The following PDE1A variants were observed in gnomAD, a reference collection of about 807,000 sequenced individuals.
PDE1A encodes dual specificity calcium/calmodulin-dependent 3',5'-cyclic nucleotide phosphodiesterase 1A.
Under a neutral mutation model 61.7 loss-of-function variants are expected in PDE1A, and 35 were observed. The observed-to-expected ratio is 0.57, with a 90% confidence interval of 0.43 to 0.75. The LOEUF (loss-of-function observed/expected upper bound fraction) is 0.75, where lower values mean the gene tolerates loss of function less well. PDE1A is among the 30% of genes least tolerant of loss of function. The pLI, the probability that PDE1A is intolerant of heterozygous loss-of-function variation, is 0.00. For missense variants in PDE1A, 597 were observed against 630.6 expected, an observed-to-expected ratio of 0.95 and a Z score of 0.57; for synonymous variants, 232 against 213.2, an observed-to-expected ratio of 1.09 and a Z score of -0.77.
chr2:182,373,215 C>T (rs1054778823), intron 1 of PDE1A, among the ~76,000 whole-genome samples: 1 of 152,122 alleles, frequency 6.6e-6, no homozygotes, highest in Non-Finnish European at 1.5e-5. Flanking sequence ...GAAGGGGAAC[C>T]AATTACTATC....
rs572815644 is a variant in PDE1A, at chr2:182,250,716, C to T, written c.168-10424G>A. Among the ~76,000 whole-genome samples the T allele has an allele frequency of 9.9e-5, 15 of 152,046 alleles. No homozygotes were observed. The South Asian group carries it at 2.5e-3, about 25-fold the overall frequency. On this transcript the variant is annotated intron_variant, in intron 2 of 13. Transcript: ENST00000351439. ...TTTTGGGTGGAGAAGTCAGTTATGC[C>T]GACCTTAGCTCAATTCCCAAAAGGC... is the stretch of plus-strand genomic sequence containing the variant.
At position 182,223,966 on chromosome 2, in the gene PDE1A, T is replaced by C; in HGVS notation, c.676-2A>G. On this transcript the variant is annotated splice_acceptor_variant, in intron 6 of 13. Coordinates refer to ENST00000351439, the Ensembl canonical transcript of PDE1A. LOFTEE classifies it high-confidence loss of function. ...AATTTCCAGTTCAGTGAGCCAGTGCTAGTAAATTACAGAAAGAATCCATTA... is the reference window on the plus strand; with the variant it reads ...AATTTCCAGTTCAGTGAGCCAGTGCCAGTAAATTACAGAAAGAATCCATTA... The C allele has an allele frequency of 6.3e-7, 1 of 1,594,154 alleles. No individual in the cohort carries two copies. Among genetic ancestry groups the C allele is most frequent in the East Asian group, 2.3e-5 (1 of 43,992 alleles).
chr2:182,672,222 T>C, the PDE1A span, among the ~76,000 whole-genome samples: 1 of 152,228 alleles, frequency 6.6e-6, no homozygotes, highest in African/African-American at 2.4e-5. Context: ...TTGTTACCTA[T>C]TGGTTGAGAA....
At chr2:182,464,192 C>T (rs766364448) in intron 2 of PDE1A, among the ~76,000 whole-genome samples, 8 of 152,014 alleles carry the variant, frequency 5.3e-5, no homozygotes, top group Admixed American at 1.3e-4. Flanking sequence ...ATTGTTCACC[C>T]GAAATTCTGA....
upstream of PDE1A, among the ~76,000 whole-genome samples, chr2:182,527,373 T>TATAC (rs1440252452): frequency 1.2e-4 from 8 of 65,008 alleles, no homozygotes; most frequent in Middle Eastern, 0.01. Context: ...TATATATATA[T>TATAC]ACACATATAT....
At chr2:182,432,658 A>C (rs2125641419) in intron 2 of PDE1A, among the ~76,000 whole-genome samples, 1 of 152,056 alleles carries the variant, frequency 6.6e-6, no homozygotes, top group East Asian at 1.9e-4. Flanking sequence ...TTTTCTAAAA[A>C]CTCAGTAATA....
intron 1 of PDE1A, among the ~76,000 whole-genome samples, chr2:182,370,407 CAG>C (rs749819214): frequency 6.6e-6 from 1 of 152,090 alleles, no homozygotes; most frequent in African/African-American, 2.4e-5. Flanking sequence ...GTAAAGATTT[CAG>C]ACAGTTGGTG....
At chr2:182,332,955 A>G (rs1182555489) in intron 1 of PDE1A, among the ~76,000 whole-genome samples, 1 of 152,250 alleles carries the variant, frequency 6.6e-6, no homozygotes, top group Admixed American at 6.5e-5. Flanking sequence ...ACAGACTTTA[A>G]GCCAACAAAT....
intron 3 of PDE1A, among the ~76,000 whole-genome samples, chr2:182,236,947 A>T (rs1373592610): frequency 6.6e-6 from 1 of 152,226 alleles, no homozygotes; most frequent in African/African-American, 2.4e-5. Context: ...GAATTCTAGG[A>T]TGGAAAATTA....
chr2:182,370,112 G>A (rs1422998456), intron 1 of PDE1A, among the ~76,000 whole-genome samples: 1 of 152,072 alleles, frequency 6.6e-6, no homozygotes, highest in Admixed American at 6.6e-5. Context: ...GGTAGGCAGA[G>A]GTTGCAGTGA....
At chr2:182,551,979 T>A in the PDE1A span, among the ~76,000 whole-genome samples, 2 of 152,216 alleles carry the variant, frequency 1.3e-5, no homozygotes, top group Non-Finnish European at 2.9e-5. Flanking sequence ...GATGAACAGA[T>A]AAAGTCACAG....
chr2:182,395,707 A>G (rs1701665862), intron 1 of PDE1A, among the ~76,000 whole-genome samples: 1 of 149,284 alleles, frequency 6.7e-6, no homozygotes, highest in South Asian at 2.1e-4. Flanking sequence ...CAGCAGATCC[A>G]ATGGTGCTTG....
chr2:182,160,445 A>T (rs748658580), intron 13 of PDE1A, among the ~76,000 whole-genome samples: 2 of 152,138 alleles, frequency 1.3e-5, no homozygotes, highest in Non-Finnish European at 2.9e-5. Context: ...AAAGGGAGAC[A>T]TTCGTCTTGC....
intron 13 of PDE1A, among the ~76,000 whole-genome samples, chr2:182,158,727 T>C (rs1691226434): frequency 6.6e-6 from 1 of 152,188 alleles, no homozygotes; most frequent in Non-Finnish European, 1.5e-5. Flanking sequence ...CTTGGTTATG[T>C]TTTGAAGATG....
At chr2:182,664,355 A>G in the PDE1A span, among the ~76,000 whole-genome samples, 1 of 152,196 alleles carries the variant, frequency 6.6e-6, no homozygotes, top group East Asian at 1.9e-4. Flanking sequence ...ATAAATGCCC[A>G]TCAATGACAG....
chr2:182,397,096 C>T (rs1162625141), intron 1 of PDE1A, among the ~76,000 whole-genome samples: 2 of 152,066 alleles, frequency 1.3e-5, no homozygotes, highest in Non-Finnish European at 2.9e-5. Context: ...CAAATATAGG[C>T]CTCACTTCTC....
At chr2:182,457,994 C>T (rs1686035326) in intron 2 of PDE1A, among the ~76,000 whole-genome samples, 1 of 151,920 alleles carries the variant, frequency 6.6e-6, no homozygotes, top group Admixed American at 6.6e-5. Context: ...TCTATACATC[C>T]TCTATTGATA....
intron 1 of PDE1A, among the ~76,000 whole-genome samples, chr2:182,350,568 T>G (rs986765764): frequency 6.6e-6 from 1 of 152,182 alleles, no homozygotes; most frequent in Non-Finnish European, 1.5e-5. Context: ...GTTCAAGGTA[T>G]AAAGTTTTTT....
At position 182,451,149 on chromosome 2, in the gene PDE1A, C is replaced by T. The variant is rs1359786817; in HGVS notation, c.101+71127G>A. On this transcript the variant is annotated intron_variant, in intron 2 of 14. Transcript: ENST00000410103. ...ATCCCAGCACTTTGGGAGGCCGAGGCGGGCGGATCACGAAGTCAGGAGATC... is the reference window on the plus strand; with the variant it reads ...ATCCCAGCACTTTGGGAGGCCGAGGTGGGCGGATCACGAAGTCAGGAGATC... 3.0e-5 allele frequency among the ~76,000 whole-genome samples: 2 copies of T among 66,274 alleles called. 1 individual carries two copies. The highest frequency in any genetic ancestry group is 2.8e-4 in the Admixed American group (2 of 7,098). The allele number at this position is 66,274 out of a possible 152,430, so 43.5% of individuals were successfully genotyped here.
Sources: allele counts gnomAD v4.1 joint callset (sites outside exome capture counted in the v4.1 genomes callset), GRCh38; gene constraint gnomAD v4.1.1; transcripts MANE v1.5; gene names NCBI Gene and HGNC (gene_info 2026-07-23, HGNC 2026-07-21).